The following GRIN2A variants were observed in gnomAD, a reference collection of about 807,000 sequenced individuals.
GRIN2A encodes glutamate receptor ionotropic, NMDA 2A.
A neutral mutation model predicts 113.4 loss-of-function variants in GRIN2A; 22 were observed. The observed-to-expected ratio is 0.19, with a 90% CI of 0.14 to 0.28. The LOEUF is 0.28. Ranked by LOEUF, GRIN2A falls within the 10% of genes least tolerant of loss-of-function variation. The pLI, the probability that GRIN2A is intolerant of heterozygous loss-of-function variation, is 1.00. For synonymous variants in GRIN2A, 827 were observed against 738.4 expected, an observed-to-expected ratio of 1.12 and a Z score of -1.94; for missense variants, 1,502 against 1,887.0, an observed-to-expected ratio of 0.80 and a Z score of 3.78.
intron 3 of GRIN2A, among the ~76,000 whole-genome samples, chr16:9,930,808 T>C (rs1358924691): frequency 1.3e-5 from 2 of 152,352 alleles, no homozygotes; most frequent in Middle Eastern, 3.4e-3. Context: ...TAATGGGTCA[T>C]TAAACCAAGA....
chr16:10,023,844 C>T (rs573377016), intron 2 of GRIN2A, among the ~76,000 whole-genome samples: 3 of 152,276 alleles, frequency 2.0e-5, no homozygotes, highest in Admixed American at 6.5e-5. Flanking sequence ...GACATGGGCA[C>T]CATTTTACAT....
At chr16:9,834,320 G>A (rs534939757) in intron 7 of GRIN2A, 90 bp from the exon 8 acceptor site, 20 of 1,197,516 alleles carry the variant, frequency 1.7e-5, no homozygotes, top group African/African-American at 7.5e-5. Flanking sequence ...TTGCAGGCTC[G>A]CCAAAAATAT....
intron 2 of GRIN2A, among the ~76,000 whole-genome samples, chr16:10,076,328 A>C (rs908893927): frequency 6.6e-6 from 1 of 152,176 alleles, no homozygotes; most frequent in Non-Finnish European, 1.5e-5. Flanking sequence ...TCCACAGGAG[A>C]ATGTTGACGA....
At chr16:9,991,020 T>G (rs1296871888) in intron 2 of GRIN2A, among the ~76,000 whole-genome samples, 1 of 151,838 alleles carries the variant, frequency 6.6e-6, no homozygotes, top group East Asian at 1.9e-4. Flanking sequence ...TGAGCTGAGA[T>G]CACGCCACTA....
chr16:9,870,853 G>C (rs1189472691), intron 4 of GRIN2A, among the ~76,000 whole-genome samples: 1 of 151,998 alleles, frequency 6.6e-6, no homozygotes, highest in African/African-American at 2.4e-5. Context: ...GCCCAGGTTG[G>C]TCTCGAACTC....
At chr16:10,002,712 TAGA>T (rs2046341558) in intron 2 of GRIN2A, among the ~76,000 whole-genome samples, 1 of 152,226 alleles carries the variant, frequency 6.6e-6, no homozygotes, top group African/African-American at 2.4e-5. Flanking sequence ...TCTGTGGCCA[TAGA>T]AGAATACAAC....
At chr16:9,871,301 T>C (rs2043256028) in intron 4 of GRIN2A, among the ~76,000 whole-genome samples, 1 of 152,170 alleles carries the variant, frequency 6.6e-6, no homozygotes, top group African/African-American at 2.4e-5. Context: ...TAACTGTATG[T>C]ATTGCAATAT....
chr16:9,907,578 G>T (rs550758271), intron 3 of GRIN2A, among the ~76,000 whole-genome samples: 2 of 152,046 alleles, frequency 1.3e-5, no homozygotes, highest in Admixed American at 1.3e-4. Flanking sequence ...GAATCATACA[G>T]TCATGCCTCC....
At chr16:9,908,030 G>C (rs759734844) in intron 3 of GRIN2A, among the ~76,000 whole-genome samples, 1 of 152,186 alleles carries the variant, frequency 6.6e-6, no homozygotes, top group Non-Finnish European at 1.5e-5. Context: ...CCTGAGCAGC[G>C]TTGAGAATGT....
intron 10 of GRIN2A, among the ~76,000 whole-genome samples, chr16:9,816,845 A>ATT (rs2042196062): frequency 1.3e-5 from 2 of 152,256 alleles, no homozygotes; most frequent in South Asian, 4.2e-4. Flanking sequence ...CTACATTTTT[A>ATT]TTAGCACCTA....
At chr16:9,802,046 A>G (rs1903393926) in intron 10 of GRIN2A, among the ~76,000 whole-genome samples, 1 of 152,222 alleles carries the variant, frequency 6.6e-6, no homozygotes, top group Non-Finnish European at 1.5e-5. Context: ...AGAAAGGGCT[A>G]TTATTAAAAA....
At chr16:10,018,135 C>A (rs756929343) in intron 2 of GRIN2A, among the ~76,000 whole-genome samples, 2 of 152,074 alleles carry the variant, frequency 1.3e-5, no homozygotes, top group Non-Finnish European at 2.9e-5. Flanking sequence ...AATGATATGA[C>A]TTTTTTAAAG....
intron 3 of GRIN2A, among the ~76,000 whole-genome samples, chr16:9,895,481 G>A (rs2043787450): frequency 6.6e-6 from 1 of 152,186 alleles, no homozygotes; most frequent in African/African-American, 2.4e-5. Context: ...TATAGACTGA[G>A]TTTAGACTTC....
intron 2 of GRIN2A, among the ~76,000 whole-genome samples, chr16:10,130,136 G>C (rs1471653414): frequency 1.3e-5 from 2 of 152,180 alleles, no homozygotes; most frequent in Non-Finnish European, 2.9e-5. Context: ...ATGAGACTCA[G>C]AAAAGCCAAG....
intron 2 of GRIN2A, among the ~76,000 whole-genome samples, chr16:10,063,745 C>G (rs188810524): frequency 3.3e-5 from 5 of 152,258 alleles, no homozygotes; most frequent in Middle Eastern, 3.4e-3. Flanking sequence ...ATAAAATCCT[C>G]CTAAAAACAG....
intron 2 of GRIN2A, among the ~76,000 whole-genome samples, chr16:9,987,002 G>A (rs2045990386): frequency 6.6e-6 from 1 of 152,004 alleles, no homozygotes; most frequent in African/African-American, 2.4e-5. Flanking sequence ...AGAATCTCTG[G>A]ATATGGTACC....
chr16:10,095,857 A>G (rs1025179776), intron 2 of GRIN2A, among the ~76,000 whole-genome samples: 3 of 152,210 alleles, frequency 2.0e-5, no homozygotes, highest in Non-Finnish European at 4.4e-5. Flanking sequence ...ATATCACTTC[A>G]GTGATATTCC....
chr16:10,005,521 G>C (rs1311076180), intron 2 of GRIN2A, among the ~76,000 whole-genome samples: 1 of 152,202 alleles, frequency 6.6e-6, no homozygotes, highest in Non-Finnish European at 1.5e-5. Context: ...AAGTGGTCCA[G>C]ATACGTAAAG....
At chr16:10,067,423 AT>A (rs1209874485) in intron 2 of GRIN2A, among the ~76,000 whole-genome samples, 3 of 152,240 alleles carry the variant, frequency 2.0e-5, no homozygotes, top group Non-Finnish European at 1.5e-5. Context: ...TTTAGGCAAA[AT>A]AAAAAATATA....
Sources: allele counts gnomAD v4.1 joint callset (sites outside exome capture counted in the v4.1 genomes callset), GRCh38; gene constraint gnomAD v4.1.1; transcripts MANE v1.5; gene names NCBI Gene and HGNC (gene_info 2026-07-23, HGNC 2026-07-21).